RAPGEF4: variants seen among roughly 807,000 people sequenced by gnomAD.
RAPGEF4 encodes Rap guanine nucleotide exchange factor 4.
A neutral mutation model predicts 147.9 loss-of-function variants in RAPGEF4; 66 were observed. The ratio of observed to expected loss-of-function variants is 0.45; its 90% CI spans 0.37 to 0.55. The LOEUF is 0.55. RAPGEF4 is among the 20% of genes least tolerant of loss of function. The pLI is 0.00. For missense variants in RAPGEF4, 1,071 were observed against 1,257.3 expected (o/e 0.85, Z 2.24); for synonymous variants, 419 against 442.7 (o/e 0.95, Z 0.67).
intron 23 of RAPGEF4, among the ~76,000 whole-genome samples, chr2:173,024,857 C>G (rs1696508410): frequency 1.3e-5 from 2 of 152,188 alleles, no homozygotes; most frequent in African/African-American, 4.8e-5. Flanking sequence ...CATGGGGACC[C>G]CCTGTGCTCT....
intron 5 of RAPGEF4, 117 bp from the exon 6 acceptor site, chr2:172,922,164 A>C: frequency 1.1e-6 from 1 of 928,662 alleles, no homozygotes; most frequent in South Asian, 1.3e-5. Flanking sequence ...GTTTTCACGG[A>C]AATGCAAATT....
intron 1 of RAPGEF4, among the ~76,000 whole-genome samples, chr2:172,771,516 A>T (rs1383392219): frequency 1.3e-5 from 2 of 152,156 alleles, no homozygotes; most frequent in Non-Finnish European, 2.9e-5. Flanking sequence ...GAGAGATTGT[A>T]ATTGTGATTT....
intron 4 of RAPGEF4, among the ~76,000 whole-genome samples, chr2:172,855,407 T>C (rs1693302334): frequency 6.6e-6 from 1 of 152,184 alleles, no homozygotes; most frequent in African/African-American, 2.4e-5. Flanking sequence ...AATACAGTGT[T>C]AGAATTTTTA....
intron 1 of RAPGEF4, among the ~76,000 whole-genome samples, chr2:172,768,544 C>A (rs772003272): frequency 3.5e-4 from 53 of 151,534 alleles, no homozygotes; most frequent in Non-Finnish European, 7.4e-4. Context: ...GCTGTGGATT[C>A]ATCAAGAAAT....
chr2:172,882,066 G>A (rs1417299452), intron 4 of RAPGEF4, among the ~76,000 whole-genome samples: 1 of 151,976 alleles, frequency 6.6e-6, no homozygotes, highest in Non-Finnish European at 1.5e-5. Flanking sequence ...TGTTAACAGG[G>A]GACTGTTGAT....
chr2:172,814,411 A>G lies in RAPGEF4; in HGVS notation c.430A>G (p.Lys144Glu). 1 of 1,614,164 alleles carries G rather than the reference A, an allele frequency of 6.2e-7. No individual in the cohort carries two copies. The highest frequency in any genetic ancestry group is 8.5e-7 in the Non-Finnish European group (1 of 1,180,014). Residue 144 changes from lysine (K) to glutamate (E), a missense_variant, in exon 4 of 31, where the codon AAG (lysine) becomes GAG (glutamate). By Grantham distance (56) the Lys-to-Glu change is moderately conservative. Transcript: ENST00000397081. ...GCTCCGCATCGAGCAGAAGGACTTC[A>G]AGGCACTATGGGAGGTGAGCCCTAA... ...ELLRIEQKDF[K>E]ALWEKYRQYM...
intron 17 of RAPGEF4, among the ~76,000 whole-genome samples, chr2:173,009,655 G>A (rs1575507627): frequency 6.6e-6 from 1 of 152,274 alleles, no homozygotes; most frequent in South Asian, 2.1e-4. Context: ...ATACTCAACT[G>A]TGTAAGCAAA....
intron 3 of RAPGEF4, 152 bp downstream of exon 3, chr2:172,797,765 A>G: frequency 1.6e-6 from 1 of 610,242 alleles, no homozygotes; most frequent in Non-Finnish European, 2.8e-6. Context: ...TCCTTTATTA[A>G]GTTACTCAAC....
chr2:172,845,044 T>C (rs1222885604), intron 4 of RAPGEF4, among the ~76,000 whole-genome samples: 1 of 152,166 alleles, frequency 6.6e-6, no homozygotes, highest in African/African-American at 2.4e-5. Flanking sequence ...TAGCCCACAT[T>C]ACAGATTTTC....
intron 1 of RAPGEF4, among the ~76,000 whole-genome samples, chr2:172,761,086 G>A (rs990733820): frequency 1.3e-5 from 2 of 149,524 alleles, no homozygotes; most frequent in African/African-American, 4.9e-5. Context: ...CCAGAATGAA[G>A]TGGAACATTT....
intron 29 of RAPGEF4, among the ~76,000 whole-genome samples, chr2:173,044,556 T>A (rs925753837): frequency 3.3e-5 from 5 of 152,170 alleles, no homozygotes; most frequent in African/African-American, 1.2e-4. Flanking sequence ...CTCGAGTGCA[T>A]GTCCTGAGGG....
chr2:172,846,923 A>C (rs1692261515), intron 4 of RAPGEF4, among the ~76,000 whole-genome samples: 1 of 152,104 alleles, frequency 6.6e-6, no homozygotes, highest in Non-Finnish European at 1.5e-5. Flanking sequence ...GTGTTTTTGG[A>C]ATTGCCTGTT....
intron 4 of RAPGEF4, among the ~76,000 whole-genome samples, chr2:172,838,205 C>T (rs540149277): frequency 1.3e-5 from 2 of 151,830 alleles, no homozygotes; most frequent in Non-Finnish European, 2.9e-5. Flanking sequence ...CCTTTGATAT[C>T]CTAAAAAATG....
chr2:172,888,064 G>A (rs542144376), intron 4 of RAPGEF4, among the ~76,000 whole-genome samples: 6 of 152,002 alleles, frequency 3.9e-5, no homozygotes, highest in African/African-American at 7.3e-5. Context: ...TGCATCTTCC[G>A]TGCATCCGTC....
At chr2:172,994,636 G>A (rs1050094168) in intron 15 of RAPGEF4, among the ~76,000 whole-genome samples, 5 of 152,174 alleles carry the variant, frequency 3.3e-5, no homozygotes, top group Non-Finnish European at 5.9e-5. Flanking sequence ...TGTGGCCAAC[G>A]CTACTCTTCT....
intron 1 of RAPGEF4, among the ~76,000 whole-genome samples, chr2:172,793,089 C>A: frequency 6.6e-6 from 1 of 152,188 alleles, no homozygotes; most frequent in East Asian, 1.9e-4. Flanking sequence ...CTCTTTCTAG[C>A]TTTTGCAGGT....
chr2:172,923,363 G>T (rs1175029523), intron 6 of RAPGEF4, among the ~76,000 whole-genome samples: 2 of 152,098 alleles, frequency 1.3e-5, no homozygotes, highest in Admixed American at 1.3e-4. Flanking sequence ...CTGCCTCCCG[G>T]ATTCAAGTGA....
At chr2:172,923,046 A>T (rs574482250) in intron 6 of RAPGEF4, among the ~76,000 whole-genome samples, 1 of 152,192 alleles carries the variant, frequency 6.6e-6, no homozygotes, top group Non-Finnish European at 1.5e-5. Context: ...CCAAGTGGCA[A>T]CGTTACAGGA....
chr2:172,827,364 A>G (rs1452904960), intron 4 of RAPGEF4, among the ~76,000 whole-genome samples: 1 of 151,778 alleles, frequency 6.6e-6, no homozygotes, highest in African/African-American at 2.4e-5. Flanking sequence ...CCTTCTCCAG[A>G]CCTCACCTAG....
Sources: allele counts gnomAD v4.1 joint callset (sites outside exome capture counted in the v4.1 genomes callset), GRCh38; gene constraint gnomAD v4.1.1; transcripts MANE v1.5; gene names NCBI Gene and HGNC (gene_info 2026-07-23, HGNC 2026-07-21).